The following APBA3 variants were observed in gnomAD, a reference collection of about 807,000 sequenced individuals.
APBA3 encodes amyloid-beta A4 precursor protein-binding family A member 3.
Under a neutral mutation model 55.9 loss-of-function variants are expected in APBA3, and 45 were observed. The observed-to-expected ratio is 0.80, with a 90% CI of 0.63 to 1.03. The LOEUF (loss-of-function observed/expected upper bound fraction) is 1.03, where lower values mean the gene tolerates loss of function less well. Ranked by LOEUF, APBA3 falls within the 50% of genes least tolerant of loss-of-function variation. APBA3 has a pLI of 0.00. For missense variants in APBA3, 865 were observed against 820.3 expected, an observed-to-expected ratio of 1.05 and a Z score of -0.67; for synonymous variants, 370 against 353.3, an observed-to-expected ratio of 1.05 and a Z score of -0.53.
chr19:3,751,864 T>A (rs1320677188), intron 8 of APBA3: 2 of 360,172 alleles, frequency 5.6e-6, no homozygotes, highest in Middle Eastern at 7.4e-4. Flanking sequence ...CGGGGGCAGG[T>A]CCCTCCCTAT....
chr19:3,751,613 C>G, intron 8 of APBA3, 60 bp from the exon 9 acceptor site: 1 of 1,514,308 alleles, frequency 6.6e-7, no homozygotes, highest in Non-Finnish European at 8.8e-7. Context: ...GGTTGTAGCC[C>G]CCTCTGGGCC....
chr19:3,752,450 C>G (rs2145716734), intron 8 of APBA3, 58 bp downstream of exon 8: 3 of 1,471,342 alleles, frequency 2.0e-6, no homozygotes, highest in Non-Finnish European at 2.7e-6. Context: ...GGAGACCTCT[C>G]TGGGACTCAG....
intron 3 of APBA3, chr19:3,755,282 T>A (rs2037062823): frequency 6.6e-6 from 1 of 152,304 alleles, no homozygotes; most frequent in East Asian, 1.9e-4. Flanking sequence ...ATTATCACTC[T>A]AGAATCAGAC....
At chr19:3,758,735 G>A (rs991350033) in intron 3 of APBA3, among the ~76,000 whole-genome samples, 1 of 151,892 alleles carries the variant, frequency 6.6e-6, no homozygotes, top group Admixed American at 6.6e-5. Flanking sequence ...AAAATTAGCT[G>A]GGCGTGGTGG....
At position 3,751,271 on chromosome 19, in the gene APBA3, C is replaced by T. The variant is rs201978209; in HGVS notation, c.1574G>A (p.Arg525His). The T allele has an allele frequency of 5.2e-5, 81 of 1,543,638 alleles. No homozygotes were observed. In the East Asian group the frequency reaches 9.7e-4, roughly 19 times the overall value. The change falls in exon 10 of 11, where the codon CGC becomes CAC. Residue 525 changes from arginine to histidine, a missense_variant. By Grantham distance (29) the Arg-to-His change is conservative. Transcript: ENST00000316757. ...AERGGIRVGHRIIEINGQSVV... is the reference protein window; with the variant it reads ...AERGGIRVGHHIIEINGQSVV... The stretch of plus-strand genomic sequence containing the variant: ...ACTCTGCCCATTGATCTCAATGATG[C>T]GGTGGCCGACGCGGATGCCCCCACG...
In APBA3 at chr19:3,760,306, AAGAG is replaced by A. The variant is rs759296170; in HGVS notation, c.-37-9_-37-6del. On this transcript the variant is annotated splice_polypyrimidine_tract_variant and splice_region_variant and intron_variant, in intron 1 of 10. Coordinates refer to ENST00000316757, the MANE Select transcript of APBA3 (RefSeq NM_004886.4). ...TAGGCCGGCATCTTCAGGCAGCTGA[AAGAG>A]AGAGAGTCAGCACTGAGGTTTCGCC... 8.5e-6 allele frequency: 13 copies of A among 1,531,506 alleles called. No homozygotes were observed. The highest frequency in any genetic ancestry group is 4.6e-5 in the East Asian group (2 of 43,076). 94.9% of individuals were successfully genotyped at this position (1,531,506 alleles called of 1,614,324 possible).
intron 5 of APBA3, 21 bp from the exon 6 acceptor site, chr19:3,753,947 TG>T: frequency 6.4e-7 from 1 of 1,558,258 alleles, no homozygotes; most frequent in Non-Finnish European, 8.7e-7. Context: ...AGAGGCAGCC[TG>T]GGTGGGTTGG....
intron 1 of APBA3, 60 bp from the exon 2 acceptor site, chr19:3,760,361 T>C: frequency 2.5e-6 from 3 of 1,190,640 alleles, no homozygotes; most frequent in Non-Finnish European, 3.4e-6. Flanking sequence ...ATGCCTGTAA[T>C]CCCAGAATTT....
At chr19:3,759,301 CCGA>C (rs2037114805) in intron 3 of APBA3, among the ~76,000 whole-genome samples, 1 of 152,148 alleles carries the variant, frequency 6.6e-6, no homozygotes, top group Non-Finnish European at 1.5e-5. Flanking sequence ...TGGGTCTGGC[CCGA>C]CGACGATGAT....
chr19:3,754,027 C>G lies in APBA3; in HGVS notation c.841G>C (p.Asp281His). 1.2e-6 allele frequency: 2 copies of G among 1,609,774 alleles called. No individual in the cohort carries two copies. The highest frequency in any genetic ancestry group is 1.7e-6 in the Non-Finnish European group (2 of 1,178,150). ...GGGTCCCTGCCCCGTACCTGGGAGT[C>G]CGCTGTCAAGACCTTGATCCTCTTG... ...STKRIKVLTA[D>H]SQEAMMDHAL... Residue 281 changes from aspartate (D) to histidine (H), a missense_variant, in exon 5 of 11, where the codon GAC becomes CAC. Coordinates refer to ENST00000316757, the MANE Select transcript of APBA3 (RefSeq NM_004886.4).
Position 3,760,227 on chromosome 19 carries a change from G to C in APBA3, c.38C>G (p.Pro13Arg). ...GGGCCCCTCCAAGTCCATGGCTGGA[G>C]GCCCCGAAGGGGATCGGGAAATTGT... is the stretch of plus-strand genomic sequence containing the variant. ...FPTISRSPSG[P>R]PAMDLEGPRD... The change falls in exon 2 of 11, where the codon CCT becomes CGT. Residue 13 changes from proline to arginine, a missense_variant. By Grantham distance (103) the Pro-to-Arg change is moderately radical. Transcript: ENST00000316757. The C allele has an allele frequency of 1.9e-6, 3 of 1,608,064 alleles. No individual in the cohort carries two copies. Among genetic ancestry groups the C allele is most frequent in the Non-Finnish European group, 2.5e-6 (3 of 1,179,284 alleles).
At chr19:3,760,910 C>G (rs1221704350) in intron 1 of APBA3, among the ~76,000 whole-genome samples, 1 of 152,008 alleles carries the variant, frequency 6.6e-6, no homozygotes, top group Admixed American at 6.6e-5. Flanking sequence ...GAGGCCCTGT[C>G]TTAAAAAAAA....
chr19:3,755,444 C>T (rs1481334174), intron 3 of APBA3: 1 of 151,812 alleles, frequency 6.6e-6, no homozygotes, highest in East Asian at 1.9e-4. Flanking sequence ...CAATTCTGTT[C>T]CAGGAGAATT....
Position 3,752,938 on chromosome 19 carries a change from T to C in APBA3, c.1064A>G (p.Gln355Arg). The C allele has an allele frequency of 6.2e-7, 1 of 1,613,350 alleles. No homozygotes were observed. Among genetic ancestry groups the C allele is most frequent in the Non-Finnish European group, 8.5e-7 (1 of 1,179,920 alleles). The change falls in exon 7 of 11, where the codon CAG becomes CGG. Residue 355 changes from glutamine (Q) to arginine (R), a missense_variant. By Grantham distance (43) the Gln-to-Arg change is conservative. Coordinates refer to ENST00000316757, the MANE Select transcript of APBA3 (RefSeq NM_004886.4). ...GTCAATACCGCTTTCCCGTAGGAAC[T>C]GGCTGTAGGCGGCGGCGAAGGCCTG... ...IGQAFAAAYS[Q>R]FLRESGIDPS...
intron 1 of APBA3, 35 bp from the exon 2 acceptor site, chr19:3,760,336 C>A (rs60648147): frequency 0.18 from 255,474 of 1,393,876 alleles, 25,271 homozygotes; most frequent in Middle Eastern, 0.22. Flanking sequence ...AGGTTTCGCC[C>A]GGGTGCAGTG....
Position 3,752,491 on chromosome 19 carries a change from C to A in APBA3, c.1395+17G>T. On this transcript the variant is annotated intron_variant, in intron 8 of 10. Coordinates refer to ENST00000316757, the MANE Select transcript of APBA3 (RefSeq NM_004886.4). ...CTTCCTGGGAGTGTGGGGGCCCTGC[C>A]ACACCAGGAAACTCACGCGGACAGC... 1.3e-6 allele frequency: 2 copies of A among 1,552,170 alleles called. No individual in the cohort carries two copies. The highest frequency in any genetic ancestry group is 2.4e-5 in the East Asian group (1 of 42,542).
chr19:3,757,764 GCAAA>G (rs1177112643), intron 3 of APBA3, among the ~76,000 whole-genome samples: 1 of 152,130 alleles, frequency 6.6e-6, no homozygotes. Context: ...GCAGGGCTTG[GCAAA>G]CATTTTCTGT....
chr19:3,753,869 C>A lies in APBA3; in HGVS notation c.907G>T (p.Val303Leu), dbSNP rs746107677. ...TISYTADIGC[V>L]LVLMARRRLA... ...CGCCGCCGCGCCATCAGCACCAGCA[C>A]GCAGCCGATGTCGGCTGTGTAGGAG... The change falls in exon 6 of 11, where the codon GTG (valine) becomes TTG (leucine). Residue 303 changes from valine to leucine, a missense_variant. By Grantham distance (32) the Val-to-Leu change is conservative (BLOSUM62 1). Transcript: ENST00000316757. 4 of 1,565,648 alleles carry A rather than the reference C, an allele frequency of 2.6e-6. No homozygotes were observed. Among genetic ancestry groups the A allele is most frequent in the African/African-American group, 2.7e-5 (2 of 74,040 alleles).
In APBA3 at chr19:3,751,016, G is replaced by A. The variant is rs2036989976; in HGVS notation, c.*10C>T. The A allele has an allele frequency of 1.3e-6, 2 of 1,556,656 alleles. No homozygotes were observed. Among genetic ancestry groups the A allele is most frequent in the Non-Finnish European group, 1.7e-6 (2 of 1,149,844 alleles). Reference sequence around the variant, plus strand: ...GGCGAAGGCACAGTGGCAGGCAAGGGATGAGGTGGTCACAGGTACACGGGC... The same window carrying A: ...GGCGAAGGCACAGTGGCAGGCAAGGAATGAGGTGGTCACAGGTACACGGGC... On this transcript the variant is annotated 3_prime_UTR_variant, in exon 11 of 11. Coordinates refer to ENST00000316757, the MANE Select transcript of APBA3 (RefSeq NM_004886.4).
Sources: gnomAD v4.1 joint callset for allele counts (sites outside exome capture counted in the v4.1 genomes callset) on GRCh38, gnomAD v4.1.1 for gene constraint, MANE v1.5 for transcripts, NCBI Gene and HGNC (gene_info 2026-07-23, HGNC 2026-07-21) for gene names.